ZFHX3: variants seen among roughly 807,000 people sequenced by gnomAD.
ZFHX3 encodes zinc finger homeobox protein 3.
A neutral mutation model predicts 279.1 loss-of-function variants in ZFHX3; 42 were observed. That is an observed-to-expected ratio of 0.15 (90% confidence interval 0.12 to 0.19). The LOEUF is 0.19. Ranked by LOEUF, ZFHX3 falls within the 10% of genes least tolerant of loss-of-function variation. The pLI is 1.00. For synonymous variants in ZFHX3, 2,293 were observed against 1,957.8 expected, an observed-to-expected ratio of 1.17 and a Z score of -4.52; for missense variants, 4,981 against 4,754.0, an observed-to-expected ratio of 1.05 and a Z score of -1.40.
chr16:73,645,278 C>T (rs145561437), intron 2 of ZFHX3, among the ~76,000 whole-genome samples: 347 of 152,188 alleles, frequency 2.3e-3, no homozygotes, highest in African/African-American at 8.0e-3. Flanking sequence ...TTTATTGAGA[C>T]GGAGTCTCGC....
chr16:73,608,591 C>T (rs1246716101), intron 2 of ZFHX3: 3 of 152,188 alleles, frequency 2.0e-5, no homozygotes, highest in East Asian at 3.9e-4. Context: ...TGCTTTTATT[C>T]AAAAGCAGAA....
Position 73,252,225 on chromosome 16 carries a change from A to G in ZFHX3, c.-1104+4822T>C, listed in dbSNP as rs542518880. ...GGGACATAATGAAAGCTATGCTTTT[A>G]GGAAAATAAAACTGTGATCCATGAG... On this transcript the variant is annotated intron_variant, in intron 5 of 17. Transcript: ENST00000641206. Among the ~76,000 whole-genome samples the G allele has an allele frequency of 5.3e-5, 8 of 152,332 alleles. No homozygotes were observed. In the South Asian group the frequency reaches 1.7e-3, roughly 32 times the overall value.
chr16:73,302,938 T>G (rs1567444677), intron 4 of ZFHX3, among the ~76,000 whole-genome samples: 1 of 152,224 alleles, frequency 6.6e-6, no homozygotes, highest in Non-Finnish European at 1.5e-5. Flanking sequence ...GTTTACATTT[T>G]TAAAATCATG....
intron 1 of ZFHX3, among the ~76,000 whole-genome samples, chr16:73,767,029 G>A (rs553125395): frequency 1.8e-4 from 27 of 150,698 alleles, no homozygotes; most frequent in Non-Finnish European, 3.0e-4. Flanking sequence ...TCCACCTCCC[G>A]GATGCAAGCA....
At chr16:73,378,697 G>C (rs1448866317) in intron 3 of ZFHX3, among the ~76,000 whole-genome samples, 1 of 152,062 alleles carries the variant, frequency 6.6e-6, no homozygotes, top group African/African-American at 2.4e-5. Flanking sequence ...GACCAACTTG[G>C]TCTGCTCTCT....
At chr16:73,609,770 A>C (rs1231129628) in intron 2 of ZFHX3, 2 of 152,152 alleles carry the variant, frequency 1.3e-5, no homozygotes, top group Non-Finnish European at 2.9e-5. Flanking sequence ...AAGAACAGCT[A>C]CCTCCAAAAA....
chr16:73,457,218 A>T (rs1466526195), intron 2 of ZFHX3, among the ~76,000 whole-genome samples: 1 of 152,172 alleles, frequency 6.6e-6, no homozygotes, highest in East Asian at 1.9e-4. Context: ...AAGAGGTGGC[A>T]TCTCTCTGGA....
intron 4 of ZFHX3, among the ~76,000 whole-genome samples, chr16:73,301,766 T>C (rs1348536888): frequency 6.6e-6 from 1 of 151,994 alleles, no homozygotes; most frequent in Non-Finnish European, 1.5e-5. Context: ...AGCTTTTTTT[T>C]TTTTTTTGTG....
intron 3 of ZFHX3, among the ~76,000 whole-genome samples, chr16:72,941,356 A>C (rs141444473): frequency 6.6e-6 from 1 of 152,362 alleles, no homozygotes; most frequent in East Asian, 1.9e-4. Flanking sequence ...AACCACTGGA[A>C]GAAAACGGGT....
chr16:73,396,293 A>T (rs1396553053), intron 3 of ZFHX3, among the ~76,000 whole-genome samples: 1 of 152,378 alleles, frequency 6.6e-6, no homozygotes, highest in East Asian at 1.9e-4. Flanking sequence ...AATATCTTGC[A>T]CGGTGCAAGT....
intron 2 of ZFHX3, among the ~76,000 whole-genome samples, chr16:73,562,041 C>T (rs139705738): frequency 1.3e-5 from 2 of 152,236 alleles, no homozygotes; most frequent in Non-Finnish European, 2.9e-5. Flanking sequence ...TTGAGACAAG[C>T]GAATACATGT....
intron 2 of ZFHX3, among the ~76,000 whole-genome samples, chr16:73,540,015 T>C (rs1277634530): frequency 6.6e-6 from 1 of 152,244 alleles, no homozygotes; most frequent in Non-Finnish European, 1.5e-5. Flanking sequence ...CTTCCAAATA[T>C]GATCGCTGTT....
At chr16:73,469,193 G>A (rs75687816) in intron 2 of ZFHX3, among the ~76,000 whole-genome samples, 1,642 of 152,268 alleles carry the variant, frequency 0.011, 29 homozygotes, top group African/African-American at 0.038. Context: ...GGCTGCTGGA[G>A]AGCCAAGAAA....
intron 3 of ZFHX3, among the ~76,000 whole-genome samples, chr16:73,341,627 G>C (rs1356382152): frequency 3.3e-5 from 5 of 152,002 alleles, no homozygotes; most frequent in African/African-American, 1.2e-4. Flanking sequence ...ATGAATGCTT[G>C]GAATTGCATT....
chr16:73,719,232 G>A (rs2053449432), intron 1 of ZFHX3, among the ~76,000 whole-genome samples: 1 of 152,182 alleles, frequency 6.6e-6, no homozygotes, highest in Non-Finnish European at 1.5e-5. Context: ...CCCAGAGGAA[G>A]GTGAACCATA....
chr16:72,796,452 G>T lies in ZFHX3; in HGVS notation c.6230C>A (p.Ala2077Glu), dbSNP rs761966700. Residue 2077 changes from alanine to glutamate, a missense_variant, in exon 9 of 10, where the codon GCA becomes GAA. Physicochemically the swap from Ala to Glu is moderately radical, Grantham distance 107. Coordinates refer to ENST00000268489, the MANE Select transcript of ZFHX3 (RefSeq NM_006885.4). Reference protein sequence around the residue: ...SAPPITSPTIAPAQPSVPLTQ... With the variant: ...SAPPITSPTIEPAQPSVPLTQ... ...GAGCGGCACTGATGGCTGGGCCGGT[G>T]CAATTGTAGGTGAGGTGATGGGTGG... The T allele has an allele frequency of 3.7e-6, 6 of 1,608,354 alleles. No homozygotes were observed. The East Asian group carries it at 1.1e-4, about 30-fold the overall frequency.
At chr16:73,683,202 A>C (rs895225308) in intron 1 of ZFHX3, among the ~76,000 whole-genome samples, 1 of 152,206 alleles carries the variant, frequency 6.6e-6, no homozygotes, top group Non-Finnish European at 1.5e-5. Flanking sequence ...ATAATGGGTG[A>C]ATGTACAACT....
chr16:73,043,813 G>A (rs1248822334), intron 1 of ZFHX3, among the ~76,000 whole-genome samples: 2 of 152,170 alleles, frequency 1.3e-5, no homozygotes, highest in Non-Finnish European at 2.9e-5. Flanking sequence ...ACATCTGATT[G>A]CCACTTTGCA....
intron 2 of ZFHX3, among the ~76,000 whole-genome samples, chr16:73,553,021 G>A (rs1247027693): frequency 2.0e-5 from 3 of 152,152 alleles, no homozygotes; most frequent in Non-Finnish European, 4.4e-5. Flanking sequence ...GCCGGGCTCT[G>A]CTAACTGTCC....
Sources: gnomAD v4.1 joint callset for allele counts (sites outside exome capture counted in the v4.1 genomes callset) on GRCh38, gnomAD v4.1.1 for gene constraint, MANE v1.5 for transcripts, NCBI Gene and HGNC (gene_info 2026-07-23, HGNC 2026-07-21) for gene names.